Variants in XRN1 observed in about 807,000 individuals in gnomAD.
The protein encoded by XRN1 is strand-exchange protein 1 homolog.
A neutral mutation model predicts 222.3 loss-of-function variants in XRN1; 67 were observed. The observed-to-expected ratio is 0.30, with a 90% CI of 0.25 to 0.37. The LOEUF (loss-of-function observed/expected upper bound fraction) is 0.37, where lower values mean the gene tolerates loss of function less well. Ranked by LOEUF, XRN1 falls within the 10% of genes least tolerant of loss-of-function variation. XRN1 has a pLI of 1.00. For missense variants in XRN1, 1,707 were observed against 2,000.2 expected, an observed-to-expected ratio of 0.85 and a Z score of 2.80; for synonymous variants, 643 against 652.4, an observed-to-expected ratio of 0.99 and a Z score of 0.22.
At chr3:142,333,616 A>G (rs2065766392) in intron 34 of XRN1, among the ~76,000 whole-genome samples, 1 of 152,144 alleles carries the variant, frequency 6.6e-6, no homozygotes, top group Non-Finnish European at 1.5e-5. Flanking sequence ...TTCCCCCAAA[A>G]TTCTTCTGTT....
chr3:142,336,532 C>T (rs2065857073), intron 33 of XRN1, among the ~76,000 whole-genome samples: 1 of 146,986 alleles, frequency 6.8e-6, no homozygotes, highest in South Asian at 2.2e-4. Context: ...GTGAGGAGGG[C>T]ATGGGAGGAG....
chr3:142,402,916 C>T (rs567917340), intron 18 of XRN1, among the ~76,000 whole-genome samples: 100 of 152,208 alleles, frequency 6.6e-4, no homozygotes, highest in Non-Finnish European at 8.4e-4. Context: ...TCATCTTGTT[C>T]ATCTAGATCT....
chr3:142,354,234 C>T (rs548246375), intron 32 of XRN1, among the ~76,000 whole-genome samples: 63 of 152,142 alleles, frequency 4.1e-4, no homozygotes, highest in African/African-American at 1.3e-3. Context: ...AACCACAAGA[C>T]GATACCATCT....
chr3:142,394,818 T>C (rs1577356423), intron 20 of XRN1, among the ~76,000 whole-genome samples: 1 of 152,332 alleles, frequency 6.6e-6, no homozygotes, highest in East Asian at 1.9e-4. Flanking sequence ...CTCTTACTGG[T>C]GATTTTCATC....
chr3:142,444,345 T>C (rs2070397538), intron 1 of XRN1, among the ~76,000 whole-genome samples: 1 of 152,170 alleles, frequency 6.6e-6, no homozygotes, highest in African/African-American at 2.4e-5. Flanking sequence ...CGGTGGCTCA[T>C]GCCTATAATC....
chr3:142,358,036 T>C (rs1299878540), intron 30 of XRN1, among the ~76,000 whole-genome samples: 2 of 151,992 alleles, frequency 1.3e-5, no homozygotes, highest in Non-Finnish European at 2.9e-5. Context: ...AGAATCTGTC[T>C]CAAAAAACAA....
intron 15 of XRN1, 26 bp from the exon 16 acceptor site, chr3:142,405,102 G>C (rs547261121): frequency 3.7e-6 from 6 of 1,602,030 alleles, no homozygotes; most frequent in South Asian, 1.1e-5. Context: ...GAAGAGAAGG[G>C]TTACAAGCAT....
chr3:142,445,935 C>CTTA (rs1463521035), intron 1 of XRN1, among the ~76,000 whole-genome samples: 5 of 152,200 alleles, frequency 3.3e-5, no homozygotes, highest in Non-Finnish European at 7.3e-5. Flanking sequence ...GAATTCTGTT[C>CTTA]TAAGGTTCAT....
intron 27 of XRN1, among the ~76,000 whole-genome samples, chr3:142,367,963 A>G (rs2066870348): frequency 1.3e-5 from 2 of 150,790 alleles, no homozygotes; most frequent in Admixed American, 6.6e-5. Context: ...AAAATCACTC[A>G]TAACTGCACC....
intron 1 of XRN1, among the ~76,000 whole-genome samples, chr3:142,443,830 A>C (rs1559891731): frequency 6.6e-6 from 1 of 152,258 alleles, no homozygotes; most frequent in East Asian, 1.9e-4. Flanking sequence ...GAAGCAACCT[A>C]AGCGTCCATC....
chr3:142,368,964 A>G (rs1004674240), intron 27 of XRN1, among the ~76,000 whole-genome samples: 1 of 152,164 alleles, frequency 6.6e-6, no homozygotes, highest in Non-Finnish European at 1.5e-5. Flanking sequence ...GGCAGGTACT[A>G]TTTTATTCTA....
At chr3:142,324,709 A>C (rs564734569) in intron 37 of XRN1, among the ~76,000 whole-genome samples, 43 of 151,984 alleles carry the variant, frequency 2.8e-4, no homozygotes, top group Non-Finnish European at 2.4e-4. Flanking sequence ...TACAGTCCCA[A>C]CAACAGTGTA....
intron 1 of XRN1, among the ~76,000 whole-genome samples, chr3:142,444,975 C>G (rs1577469909): frequency 6.6e-6 from 1 of 152,084 alleles, no homozygotes; most frequent in Admixed American, 6.5e-5. Flanking sequence ...AATTAATTCA[C>G]TCAAAAAATA....
chr3:142,438,252 C>T (rs974147222), intron 1 of XRN1, among the ~76,000 whole-genome samples: 2 of 151,868 alleles, frequency 1.3e-5, no homozygotes, highest in African/African-American at 2.4e-5. Context: ...GTAACTAATC[C>T]GATAGGCAGA....
chr3:142,356,368 G>A (rs1364349078), intron 31 of XRN1, among the ~76,000 whole-genome samples: 2 of 152,028 alleles, frequency 1.3e-5, no homozygotes, highest in African/African-American at 4.8e-5. Flanking sequence ...TAATAAGCAG[G>A]TACTATTTGG....
At chr3:142,324,637 T>C (rs574640980) in intron 37 of XRN1, among the ~76,000 whole-genome samples, 2 of 151,900 alleles carry the variant, frequency 1.3e-5, no homozygotes, top group Admixed American at 6.5e-5. Flanking sequence ...GGTCAAATGG[T>C]ATTTCTAGTT....
At position 142,384,649 on chromosome 3, in the gene XRN1, T is replaced by C; in HGVS notation, c.2376A>G (p.Thr792=). 1 of 1,602,902 alleles carries C rather than the reference T, an allele frequency of 6.2e-7. No homozygotes were observed. Among genetic ancestry groups the C allele is most frequent in the Non-Finnish European group, 8.5e-7 (1 of 1,175,960 alleles). Residue 792 remains threonine, a synonymous_variant, in exon 21 of 41, where the codon ACA becomes ACG. Transcript: ENST00000392981. ...GTAACTGAGCATACACAACTGCAGA[T>C]GTTTCATTTATTATTATTCCTTTTC... The part of the protein sequence containing the change: ...LRRKGIIINE[T]SAVVYAQLLT...
chr3:142,426,409 C>T (rs906433061), intron 3 of XRN1, among the ~76,000 whole-genome samples: 4 of 152,152 alleles, frequency 2.6e-5, no homozygotes, highest in Admixed American at 6.6e-5. Flanking sequence ...TAAGCTACAA[C>T]CTCACTGAGT....
chr3:142,434,497 T>A lies in XRN1; in HGVS notation c.76-1604A>T, dbSNP rs1049258840. 2.8e-4 allele frequency among the ~76,000 whole-genome samples: 7 copies of A among 25,306 alleles called. No individual in the cohort carries two copies. In the African/African-American group the frequency reaches 3.2e-3, roughly 12 times the overall value. 16.6% of individuals were successfully genotyped at this position (25,306 alleles called of 152,430 possible). ...CTCAGCATCAACGACTTGATCAAAT[T>A]TTTTTTTTTACACTTTTTTTTTTTT... On this transcript the variant is annotated intron_variant, in intron 1 of 40. Transcript: ENST00000392981.
Sources: gnomAD v4.1 joint callset for allele counts (sites outside exome capture counted in the v4.1 genomes callset) on GRCh38, gnomAD v4.1.1 for gene constraint, MANE v1.5 for transcripts, NCBI Gene and HGNC (gene_info 2026-07-23, HGNC 2026-07-21) for gene names.